ADAMTS16: variants seen among roughly 807,000 people sequenced by gnomAD.
ADAMTS16 encodes A disintegrin and metalloproteinase with thrombospondin motifs 16.
A neutral mutation model predicts 145.8 loss-of-function variants in ADAMTS16; 94 were observed. The observed-to-expected ratio is 0.64, with a 90% CI of 0.55 to 0.77. ADAMTS16 has a LOEUF of 0.77. Ranked by LOEUF, ADAMTS16 falls within the 30% of genes least tolerant of loss-of-function variation. The probability of loss-of-function intolerance (pLI) is 0.00; values close to 1 mark genes in which losing one functional copy is unlikely to be tolerated. For synonymous variants in ADAMTS16, 659 were observed against 604.3 expected (o/e 1.09, Z -1.33); for missense variants, 1,585 against 1,591.5 (o/e 1.00, Z 0.07).
In ADAMTS16 at chr5:5,184,822, A is replaced by G. The variant is rs555703460; in HGVS notation, c.764-1230A>G. 5.5e-4 allele frequency among the ~76,000 whole-genome samples: 83 copies of G among 152,094 alleles called. 1 individual carries two copies. The highest frequency in any genetic ancestry group is 1.8e-3 in the African/African-American group (76 of 41,478). ...GGAGTTTCTGACCCCTGCCCCCAAT[A>G]CTGAGGGCCTGTAGCTGCTGAGCCC... On this transcript the variant is annotated intron_variant, in intron 4 of 22. Transcript: ENST00000274181.
At chr5:5,266,506 T>C (rs535914105) in intron 18 of ADAMTS16, among the ~76,000 whole-genome samples, 52 of 152,340 alleles carry the variant, frequency 3.4e-4, no homozygotes, top group Admixed American at 1.9e-3. Flanking sequence ...TGGCAGCTGC[T>C]TCAGTTCTTT....
intron 11 of ADAMTS16, among the ~76,000 whole-genome samples, chr5:5,228,583 T>C (rs538210233): frequency 1.3e-5 from 2 of 152,238 alleles, no homozygotes; most frequent in African/African-American, 4.8e-5. Flanking sequence ...TCAAACAGAT[T>C]AAGAGGCTGT....
intron 3 of ADAMTS16, among the ~76,000 whole-genome samples, chr5:5,166,272 T>TAAATACACACACAC: frequency 6.7e-6 from 1 of 150,268 alleles, no homozygotes; most frequent in Non-Finnish European, 1.5e-5. Flanking sequence ...CAAACACACA[T>TAAATACACACACAC]ACATACACAC....
In ADAMTS16 at chr5:5,239,204, G is replaced by T. The variant is rs557373370; in HGVS notation, c.2208G>T (p.Gly736=). 1 of 1,602,548 alleles carries T rather than the reference G, an allele frequency of 6.2e-7. No individual in the cohort carries two copies. The highest frequency in any genetic ancestry group is 2.3e-5 in the East Asian group (1 of 44,284). ...LGSDAVEDVC[G]VCNGNNSACT... Reference sequence around the variant, plus strand: ...CTGATGCTGTTGAAGACGTCTGTGGGGTGTGTAACGGGAATAACTCAGCCT... The same window carrying T: ...CTGATGCTGTTGAAGACGTCTGTGGTGTGTGTAACGGGAATAACTCAGCCT... The change falls in exon 15 of 23, where the codon GGG becomes GGT. Residue 736 remains glycine (G), a synonymous_variant. Transcript: ENST00000274181.
At chr5:5,167,151 A>T (rs1007123720) in intron 3 of ADAMTS16, among the ~76,000 whole-genome samples, 4 of 152,142 alleles carry the variant, frequency 2.6e-5, no homozygotes, top group African/African-American at 9.7e-5. Flanking sequence ...ACTGTTGATT[A>T]TCAGTTCCCC....
chr5:5,145,527 G>T (rs1390376384), intron 2 of ADAMTS16, among the ~76,000 whole-genome samples: 2 of 152,232 alleles, frequency 1.3e-5, no homozygotes, highest in South Asian at 2.1e-4. Context: ...TCTCCAGACA[G>T]CGGGTTGTTG....
At chr5:5,305,205 ATCCACAC>A (rs1740039572) in intron 20 of ADAMTS16, among the ~76,000 whole-genome samples, 1 of 47,302 alleles carries the variant, frequency 2.1e-5, no homozygotes, top group Non-Finnish European at 4.1e-5. Context: ...ACACACACAC[ATCCACAC>A]CACACACACA....
intron 9 of ADAMTS16, among the ~76,000 whole-genome samples, chr5:5,202,603 C>T (rs1005529127): frequency 1.3e-5 from 2 of 152,176 alleles, no homozygotes; most frequent in Non-Finnish European, 2.9e-5. Context: ...TCAGTTTAGG[C>T]TCACCATGCT....
rs1734300376 is a variant in ADAMTS16 at position 5,146,441 on chromosome 5, A to G, written c.487A>G (p.Thr163Ala). The change falls in exon 3 of 23, where the codon ACC becomes GCC. Residue 163 changes from threonine to alanine, a missense_variant. Thr to Ala is a moderately conservative substitution (Grantham distance 58). Coordinates refer to ENST00000274181, the MANE Select transcript of ADAMTS16 (RefSeq NM_139056.4). Reference sequence around the variant, plus strand: ...CAGAAACTCCTCAGTGGCCCTTTCAACCTGCCAAGGCTTGGTGAGTACAGC... The same window carrying G: ...CAGAAACTCCTCAGTGGCCCTTTCAGCCTGCCAAGGCTTGGTGAGTACAGC... Reference protein sequence around the residue: ...SHRNSSVALSTCQGLSGMIRT... With the variant: ...SHRNSSVALSACQGLSGMIRT... The G allele has an allele frequency of 6.2e-7, 1 of 1,608,228 alleles. No individual in the cohort carries two copies. Among genetic ancestry groups the G allele is most frequent in the Non-Finnish European group, 8.5e-7 (1 of 1,179,316 alleles).
intron 3 of ADAMTS16, among the ~76,000 whole-genome samples, chr5:5,170,992 T>C (rs866200580): frequency 2.6e-4 from 39 of 152,338 alleles, no homozygotes; most frequent in Middle Eastern, 6.8e-3. Flanking sequence ...ATGTCACTTC[T>C]TTGGTTAATT....
At chr5:5,146,546 A>G in intron 3 of ADAMTS16, 91 bp downstream of exon 3, 1 of 1,327,736 alleles carries the variant, frequency 7.5e-7, no homozygotes, top group Non-Finnish European at 1.0e-6. Context: ...TTTCGCATAG[A>G]TGTTCTTCTA....
intron 9 of ADAMTS16, among the ~76,000 whole-genome samples, chr5:5,205,285 G>T (rs1736067912): frequency 6.7e-6 from 1 of 149,994 alleles, no homozygotes; most frequent in Admixed American, 6.6e-5. Flanking sequence ...GTGTCTTTAG[G>T]GTTGGTGCTT....
At chr5:5,251,800 C>T (rs1329925272) in intron 17 of ADAMTS16, among the ~76,000 whole-genome samples, 5 of 152,222 alleles carry the variant, frequency 3.3e-5, no homozygotes, top group Admixed American at 1.3e-4. Context: ...ATTCTCGGGC[C>T]CCCAGCCCAG....
chr5:5,168,151 G>T (rs1223418672), intron 3 of ADAMTS16, among the ~76,000 whole-genome samples: 3 of 152,016 alleles, frequency 2.0e-5, no homozygotes, highest in Admixed American at 2.0e-4. Flanking sequence ...TTATTATGAT[G>T]ACATTTAATC....
intron 6 of ADAMTS16, among the ~76,000 whole-genome samples, chr5:5,188,419 T>G (rs1342696799): frequency 6.6e-6 from 1 of 152,172 alleles, no homozygotes; most frequent in African/African-American, 2.4e-5. Flanking sequence ...CCCCCGTAAA[T>G]GCATAGAGGT....
chr5:5,207,428 G>C lies in ADAMTS16; in HGVS notation c.1452-1665G>C, dbSNP rs894220420. Among the ~76,000 whole-genome samples the C allele has an allele frequency of 1.8e-4, 27 of 152,120 alleles. 1 individual carries two copies. The highest frequency in any genetic ancestry group is 6.5e-4 in the African/African-American group (27 of 41,436). On this transcript the variant is annotated intron_variant, in intron 9 of 22. Transcript: ENST00000274181. ...TTGCCGTAACTTATTAGTTCCAGGA[G>C]TTGCTTGGTGGATTCTTTCAAATTT... is the stretch of plus-strand genomic sequence containing the variant.
rs992551555 is a variant in ADAMTS16, at chr5:5,303,780, T to C, written c.3186+14T>C. On this transcript the variant is annotated intron_variant, in intron 20 of 22. Coordinates refer to ENST00000274181, the MANE Select transcript of ADAMTS16 (RefSeq NM_139056.4). ...GCCTGGTCCCAGGTAGGTGCACTGG[T>C]CTCGCGGGAGCGAGGTTGACTAGCT... 3.1e-6 allele frequency: 5 copies of C among 1,610,512 alleles called. No individual in the cohort carries two copies. The African/African-American group carries it at 6.7e-5, about 22-fold the overall frequency.
At chr5:5,189,678 C>CA (rs917009638) in intron 6 of ADAMTS16, among the ~76,000 whole-genome samples, 1 of 152,096 alleles carries the variant, frequency 6.6e-6, no homozygotes, top group African/African-American at 2.4e-5. Context: ...TTTTTGAAAA[C>CA]AAAAAATTCA....
chr5:5,165,956 G>A (rs544802685), intron 3 of ADAMTS16, among the ~76,000 whole-genome samples: 2 of 152,094 alleles, frequency 1.3e-5, no homozygotes, highest in East Asian at 3.9e-4. Context: ...AATCATCTGC[G>A]ACTCCCTCGC....
Sources: gnomAD v4.1 joint callset for allele counts (sites outside exome capture counted in the v4.1 genomes callset) on GRCh38, gnomAD v4.1.1 for gene constraint, MANE v1.5 for transcripts, NCBI Gene and HGNC (gene_info 2026-07-23, HGNC 2026-07-21) for gene names.